The following CHRNA5 variants were observed in gnomAD, a reference collection of about 807,000 sequenced individuals.
The protein encoded by CHRNA5 is neuronal acetylcholine receptor subunit alpha-5.
In CHRNA5, 28 loss-of-function variants were observed where a neutral mutation model predicts 41.2. The observed-to-expected ratio is 0.68, with a 90% CI of 0.50 to 0.93. The LOEUF (loss-of-function observed/expected upper bound fraction) is 0.93, where lower values mean the gene tolerates loss of function less well. Among genes scored for constraint, CHRNA5 ranks in the 40% least tolerant of loss-of-function variants. The probability of loss-of-function intolerance (pLI) is 0.00; values close to 1 mark genes in which losing one functional copy is unlikely to be tolerated. For missense variants in CHRNA5, 481 were observed against 581.9 expected, an observed-to-expected ratio of 0.83 and a Z score of 1.78; for synonymous variants, 188 against 205.8, an observed-to-expected ratio of 0.91 and a Z score of 0.74.
intron 2 of CHRNA5, among the ~76,000 whole-genome samples, chr15:78,585,791 C>CTTTCTTTT (rs1555415935): frequency 7.7e-6 from 1 of 130,612 alleles, no homozygotes; most frequent in African/African-American, 2.9e-5. Flanking sequence ...TCTTTTCTTT[C>CTTTCTTTT]TTTTTTTTTT....
rs1224470998 is a variant in CHRNA5 at position 78,588,280 on chromosome 15, TATTGAA to T, written c.304-28_304-23del. 2.6e-6 allele frequency: 3 copies of T among 1,162,476 alleles called. No individual in the cohort carries two copies. The African/African-American group carries it at 4.7e-5, about 18-fold the overall frequency. The allele number at this position is 1,162,476 out of a possible 1,614,324, so 72.0% of individuals were successfully genotyped here. A position where few individuals can be genotyped will look rare whatever the true frequency, so the allele number is the denominator to read the frequency against. On this transcript the variant is annotated intron_variant, in intron 3 of 5. Transcript: ENST00000299565. This position sits in a 1 kb window ranked among gnomAD's most constrained non-coding sequence, Gnocchi z 4.1. ...ATTCACTGTTTTTGACTATTAGTTTTATTGAAATTGAGGCAGATTTCTTTGTTTTAA... is the reference window on the plus strand; with the variant it reads ...ATTCACTGTTTTTGACTATTAGTTTTATTGAGGCAGATTTCTTTGTTTTAA...
At position 78,579,682 on chromosome 15, in the gene CHRNA5, T is replaced by G. The variant is rs531271764; in HGVS notation, c.107-1129T>G. Among the ~76,000 whole-genome samples, 39 of 152,308 alleles carry G rather than the reference T, an allele frequency of 2.6e-4. No individual in the cohort carries two copies. In the South Asian group the frequency reaches 6.6e-3, roughly 26 times the overall value. The stretch of plus-strand genomic sequence containing the variant: ...TCTTAAACATACTGCAGTTCATCTC[T>G]CTTCTCTTCCCATAGATGGCTTTTG... On this transcript the variant is annotated intron_variant, in intron 1 of 5. Transcript: ENST00000299565.
At chr15:78,565,862 G>T in intron 1 of CHRNA5, 37 bp downstream of exon 1, 1 of 1,167,828 alleles carries the variant, frequency 8.6e-7, no homozygotes, top group East Asian at 3.2e-5. Flanking sequence ...GCGGGAGCTG[G>T]CCCGGACTCC....
intron 1 of CHRNA5, among the ~76,000 whole-genome samples, chr15:78,572,766 A>G (rs1403235689): frequency 3.3e-5 from 5 of 152,126 alleles, no homozygotes; most frequent in Admixed American, 2.6e-4. Context: ...ACAGGCGTGA[A>G]CCACCACACC....
chr15:78,590,514 A>ACTC, exon 5 of CHRNA5: 2 of 1,614,190 alleles, frequency 1.2e-6, no homozygotes, highest in South Asian at 2.2e-5. Context: ...CAGGTACTTC[A>ACTC]CTCAGAAAGA....
chr15:78,582,094 T>C (rs377365353), intron 2 of CHRNA5, among the ~76,000 whole-genome samples: 98 of 152,302 alleles, frequency 6.4e-4, no homozygotes, highest in African/African-American at 2.1e-3. Context: ...TGTCATCTAA[T>C]TGCTTCCAGA....
chr15:78,592,279 G>A (rs190263924), intron 5 of CHRNA5, among the ~76,000 whole-genome samples: 62 of 152,300 alleles, frequency 4.1e-4, no homozygotes, highest in East Asian at 1.9e-4. Flanking sequence ...CCGAGGTCAC[G>A]CCACTGCACT....
At chr15:78,579,179 G>GA (rs1275262691) in intron 1 of CHRNA5, among the ~76,000 whole-genome samples, 5 of 151,866 alleles carry the variant, frequency 3.3e-5, no homozygotes, top group African/African-American at 1.2e-4. Context: ...TGGGCCCTGT[G>GA]AATTATTTAG....
intron 1 of CHRNA5, among the ~76,000 whole-genome samples, chr15:78,576,755 C>T (rs945900682): frequency 1.3e-5 from 2 of 149,230 alleles, no homozygotes; most frequent in South Asian, 2.1e-4. Flanking sequence ...GCCGTGATGG[C>T]GCCATTGCAC....
chr15:78,575,553 G>T (rs2052848960), intron 1 of CHRNA5, among the ~76,000 whole-genome samples: 1 of 152,172 alleles, frequency 6.6e-6, no homozygotes. Context: ...ACTGTGTTAA[G>T]AGTGCCCAAT....
intron 3 of CHRNA5, among the ~76,000 whole-genome samples, chr15:78,587,765 T>C (rs1047304601): frequency 2.0e-5 from 3 of 152,188 alleles, no homozygotes; most frequent in African/African-American, 7.2e-5. Context: ...TCCTTTTGTT[T>C]TTATCATCCC....
chr15:78,581,655 G>A (rs369060989), intron 2 of CHRNA5, among the ~76,000 whole-genome samples: 24 of 152,098 alleles, frequency 1.6e-4, no homozygotes, highest in Non-Finnish European at 2.9e-4. Context: ...GAAGCAATGC[G>A]TGATTTTTGT....
intron 1 of CHRNA5, among the ~76,000 whole-genome samples, chr15:78,576,637 C>G (rs897973605): frequency 2.0e-5 from 3 of 151,188 alleles, no homozygotes; most frequent in Non-Finnish European, 4.4e-5. Flanking sequence ...AATAAATTAG[C>G]TGGGTGTGGT....
At chr15:78,589,388 A>C (rs1402872293) in intron 4 of CHRNA5, 1 of 155,836 alleles carries the variant, frequency 6.4e-6, no homozygotes, top group African/African-American at 2.4e-5. Context: ...GTCTTTCCCC[A>C]TCAAAGTAAA....
chr15:78,579,113 T>A (rs1278856025), intron 1 of CHRNA5, among the ~76,000 whole-genome samples: 1 of 152,152 alleles, frequency 6.6e-6, no homozygotes, highest in Admixed American at 6.5e-5. Flanking sequence ...TTTAGTATAT[T>A]TAATGGCACA....
exon 5 of CHRNA5, chr15:78,590,258 T>C (rs765977845): frequency 1.2e-6 from 2 of 1,613,914 alleles, no homozygotes; most frequent in South Asian, 1.1e-5. Context: ...CTTCAGTACT[T>C]GTGTCTTTGA....
chr15:78,574,767 C>G (rs750363801), intron 1 of CHRNA5, among the ~76,000 whole-genome samples: 1 of 151,920 alleles, frequency 6.6e-6, no homozygotes, highest in Non-Finnish European at 1.5e-5. Context: ...ATTTCTTGAG[C>G]TCAGGAGTTC....
chr15:78,592,258 G>C (rs1192810184), intron 5 of CHRNA5, among the ~76,000 whole-genome samples: 3 of 152,214 alleles, frequency 2.0e-5, no homozygotes, highest in Non-Finnish European at 4.4e-5. Flanking sequence ...GGAGGCAGAG[G>C]TTGCAGTGAG....
intron 2 of CHRNA5, among the ~76,000 whole-genome samples, chr15:78,583,264 A>C (rs1382487968): frequency 6.6e-6 from 1 of 152,230 alleles, no homozygotes; most frequent in Non-Finnish European, 1.5e-5. Flanking sequence ...GGTTTTGAGG[A>C]GTGAAAGAGA....
Sources: allele counts gnomAD v4.1 joint callset (sites outside exome capture counted in the v4.1 genomes callset), GRCh38; gene constraint gnomAD v4.1.1; non-coding constraint Gnocchi (gnomAD v3.1); transcripts MANE v1.5; gene names NCBI Gene and HGNC (gene_info 2026-07-23, HGNC 2026-07-21).